Variants in NXPE4 observed in about 807,000 individuals in gnomAD.
The protein encoded by NXPE4 is neurexophilin and PC-esterase domain family member 4.
A neutral mutation model predicts 33.3 loss-of-function variants in NXPE4; 42 were observed. That is an observed-to-expected ratio of 1.26 (90% CI 0.98 to 1.63). The LOEUF (loss-of-function observed/expected upper bound fraction) is 1.63, where lower values mean the gene tolerates loss of function less well. NXPE4 is among the 40% of genes most tolerant of loss of function. The probability of loss-of-function intolerance (pLI) is 0.00; values close to 1 mark genes in which losing one functional copy is unlikely to be tolerated. For missense variants in NXPE4, 709 were observed against 647.6 expected, an observed-to-expected ratio of 1.09 and a Z score of -1.03; for synonymous variants, 253 against 234.9, an observed-to-expected ratio of 1.08 and a Z score of -0.71.
intron 2 of NXPE4, among the ~76,000 whole-genome samples, chr11:114,587,634 A>G (rs1466278216): frequency 1.3e-5 from 2 of 152,228 alleles, no homozygotes; most frequent in African/African-American, 4.8e-5. Context: ...GCACCTTAAA[A>G]GATGCCAGGG....
chr11:114,622,151 C>T, the NXPE4 span, among the ~76,000 whole-genome samples: 2 of 151,994 alleles, frequency 1.3e-5, no homozygotes, highest in Non-Finnish European at 2.9e-5. Flanking sequence ...CATGGGTAGC[C>T]ACTGTTACCC....
chr11:114,658,582 ACT>A, the NXPE4 span, among the ~76,000 whole-genome samples: 1 of 152,182 alleles, frequency 6.6e-6, no homozygotes, highest in Admixed American at 6.6e-5. Flanking sequence ...GTGTTATGCT[ACT>A]GGCAGAAGGG....
the NXPE4 span, among the ~76,000 whole-genome samples, chr11:114,625,031 G>C: frequency 6.6e-6 from 1 of 151,872 alleles, no homozygotes; most frequent in Non-Finnish European, 1.5e-5. Context: ...GTGTTGCCTC[G>C]GGGGTAAACA....
At chr11:114,662,030 C>A in the NXPE4 span, among the ~76,000 whole-genome samples, 1 of 152,100 alleles carries the variant, frequency 6.6e-6, no homozygotes, top group African/African-American at 2.4e-5. Context: ...ACCTACCCCC[C>A]GCAAGGACAC....
chr11:114,609,267 C>T, the NXPE4 span, among the ~76,000 whole-genome samples: 1 of 151,844 alleles, frequency 6.6e-6, no homozygotes, highest in African/African-American at 2.4e-5. Context: ...TAAGTATTGC[C>T]TCATTGGTAA....
chr11:114,647,500 A>C, the NXPE4 span, among the ~76,000 whole-genome samples: 3 of 152,038 alleles, frequency 2.0e-5, no homozygotes, highest in African/African-American at 7.2e-5. Flanking sequence ...ATGCTCACTA[A>C]CTATGTAAGT....
At chr11:114,644,314 G>A in the NXPE4 span, among the ~76,000 whole-genome samples, 1 of 152,168 alleles carries the variant, frequency 6.6e-6, no homozygotes, top group African/African-American at 2.4e-5. Flanking sequence ...GGTAAGAGAG[G>A]ACATCCTTGT....
At chr11:114,628,397 G>A in the NXPE4 span, among the ~76,000 whole-genome samples, 29 of 152,282 alleles carry the variant, frequency 1.9e-4, no homozygotes, top group African/African-American at 7.0e-4. Context: ...CATGGAAACT[G>A]AACAACCTGC....
At chr11:114,640,247 A>G in the NXPE4 span, among the ~76,000 whole-genome samples, 2 of 141,290 alleles carry the variant, frequency 1.4e-5, no homozygotes, top group African/African-American at 5.2e-5. Context: ...TATATTATAA[A>G]ATATAAAATA....
chr11:114,645,158 TG>T, the NXPE4 span, among the ~76,000 whole-genome samples: 1 of 151,798 alleles, frequency 6.6e-6, no homozygotes, highest in African/African-American at 2.4e-5. Flanking sequence ...AAAAATTAGC[TG>T]GGCGTGATGG....
the NXPE4 span, among the ~76,000 whole-genome samples, chr11:114,638,943 G>C: frequency 6.6e-6 from 1 of 152,036 alleles, no homozygotes; most frequent in Non-Finnish European, 1.5e-5. Flanking sequence ...GAGGCAGTCT[G>C]CCCATTTTCA....
upstream of NXPE4, among the ~76,000 whole-genome samples, chr11:114,600,539 A>C (rs1485121009): frequency 6.6e-6 from 1 of 152,096 alleles, no homozygotes; most frequent in Non-Finnish European, 1.5e-5. Flanking sequence ...GCATAGAAAA[A>C]AATTGAGTGA....
the NXPE4 span, among the ~76,000 whole-genome samples, chr11:114,625,117 G>A: frequency 6.6e-6 from 1 of 152,132 alleles, no homozygotes; most frequent in African/African-American, 2.4e-5. Context: ...ATTGCCTCAT[G>A]GGTAACCACT....
chr11:114,656,493 A>C, the NXPE4 span, among the ~76,000 whole-genome samples: 4 of 152,218 alleles, frequency 2.6e-5, no homozygotes, highest in African/African-American at 9.6e-5. Flanking sequence ...AAGCTGGAGG[A>C]ATCATGCTCC....
chr11:114,657,895 CTCAA>C, the NXPE4 span, among the ~76,000 whole-genome samples: 1 of 152,144 alleles, frequency 6.6e-6, no homozygotes, highest in Non-Finnish European at 1.5e-5. Flanking sequence ...CCATCATCTT[CTCAA>C]TCAAAGACGA....
chr11:114,614,405 C>A, the NXPE4 span, among the ~76,000 whole-genome samples: 3 of 151,800 alleles, frequency 2.0e-5, no homozygotes, highest in African/African-American at 7.3e-5. Flanking sequence ...TCTAGGGTAA[C>A]CACTGTTACC....
chr11:114,631,236 C>T, the NXPE4 span, among the ~76,000 whole-genome samples: 86 of 151,512 alleles, frequency 5.7e-4, 2 homozygotes, highest in Middle Eastern at 6.8e-3. Flanking sequence ...ATGTTTATTG[C>T]GGCATTATTC....
chr11:114,648,728 A>G, the NXPE4 span, among the ~76,000 whole-genome samples: 271 of 152,330 alleles, frequency 1.8e-3, 2 homozygotes, highest in Middle Eastern at 0.01. Context: ...TGATACAACT[A>G]TCCCGCATAC....
In NXPE4 at chr11:114,582,431, C is replaced by T. The variant is rs371571845; in HGVS notation, c.687G>A (p.Leu229=). The change falls in exon 3 of 6, where the codon TTG becomes TTA. Residue 229 remains leucine (L), a synonymous_variant. Coordinates refer to ENST00000375478, the MANE Select transcript of NXPE4 (RefSeq NM_001077639.2). ...CGLILNTNAE[L]CQYLDNRDQE... ...GGTCTCTGTTGTCCAGGTACTGGCA[C>T]AATTCAGCATTTGTGTTTAGGATCA... 6.8e-6 allele frequency: 11 copies of T among 1,614,192 alleles called. No individual in the cohort carries two copies. Among genetic ancestry groups the T allele is most frequent in the Non-Finnish European group, 8.5e-6 (10 of 1,180,004 alleles).
Sources: allele counts gnomAD v4.1 joint callset (sites outside exome capture counted in the v4.1 genomes callset), GRCh38; gene constraint gnomAD v4.1.1; transcripts MANE v1.5; gene names NCBI Gene and HGNC (gene_info 2026-07-23, HGNC 2026-07-21).